Variants in ITIH5 observed in about 807,000 individuals in gnomAD.
ITIH5 encodes the protein inter-alpha-trypsin inhibitor heavy chain 5, also known as inter-alpha-trypsin inhibitor heavy chain H5.
Under a neutral mutation model 77.5 loss-of-function variants are expected in ITIH5, and 65 were observed. The ratio of observed to expected loss-of-function variants is 0.84; its 90% CI spans 0.69 to 1.03. The LOEUF is 1.03. Among genes scored for constraint, ITIH5 ranks in the 50% least tolerant of loss-of-function variants. The probability of loss-of-function intolerance (pLI) is 0.00; values close to 1 mark genes in which losing one functional copy is unlikely to be tolerated. For missense variants in ITIH5, 1,208 were observed against 1,213.1 expected (o/e 1.00, Z 0.06); for synonymous variants, 525 against 494.3 (o/e 1.06, Z -0.82).
chr10:7,591,517 C>T (rs370030574), intron 7 of ITIH5, among the ~76,000 whole-genome samples: 42 of 152,298 alleles, frequency 2.8e-4, no homozygotes, highest in African/African-American at 9.1e-4. Context: ...CTGGCTGACA[C>T]GTACCCCAGC....
chr10:7,599,809 G>T (rs777057707), intron 7 of ITIH5, among the ~76,000 whole-genome samples: 2 of 152,190 alleles, frequency 1.3e-5, no homozygotes, highest in Non-Finnish European at 2.9e-5. Flanking sequence ...GTATATACAA[G>T]AAAATATGTA....
intron 7 of ITIH5, among the ~76,000 whole-genome samples, chr10:7,586,340 T>C (rs563985398): frequency 6.6e-6 from 1 of 152,250 alleles, no homozygotes; most frequent in Admixed American, 6.5e-5. Flanking sequence ...ACAATTGCTG[T>C]TCTCTTGACC....
chr10:7,563,264 C>T lies in ITIH5; in HGVS notation c.2648G>A (p.Gly883Asp), dbSNP rs1247931309. The T allele has an allele frequency of 6.2e-7, 1 of 1,614,104 alleles. No homozygotes were observed. The highest frequency in any genetic ancestry group is 2.2e-5 in the East Asian group (1 of 44,890). The part of the protein sequence containing the change: ...EGPEAVLTVK[G>D]HQVPVVWKQR... ...CTTCCAGACCACTGGGACTTGGTGG[C>T]CTTTCACTGTTAGGACGGCCTCAGG... The change falls in exon 14 of 14, where the codon GGC becomes GAC. Residue 883 changes from glycine (G) to aspartate (D), a missense_variant. Gly to Asp is a moderately conservative substitution (Grantham distance 94). Transcript: ENST00000397146.
chr10:7,635,469 G>A (rs1168945473), intron 5 of ITIH5, among the ~76,000 whole-genome samples: 3 of 152,288 alleles, frequency 2.0e-5, no homozygotes, highest in South Asian at 2.1e-4. Flanking sequence ...TAAGAATGGT[G>A]TATTGGATCT....
intron 7 of ITIH5, among the ~76,000 whole-genome samples, chr10:7,612,293 T>A (rs1315307644): frequency 6.6e-6 from 1 of 152,218 alleles, no homozygotes; most frequent in Admixed American, 6.5e-5. Context: ...ATATTAACTA[T>A]GCAAATTTAA....
At chr10:7,610,669 T>C (rs1041065091) in intron 7 of ITIH5, among the ~76,000 whole-genome samples, 4 of 152,224 alleles carry the variant, frequency 2.6e-5, no homozygotes, top group African/African-American at 9.6e-5. Flanking sequence ...TAACATCATA[T>C]ACAAGACTCT....
chr10:7,590,345 G>A (rs1832768955), intron 7 of ITIH5, among the ~76,000 whole-genome samples: 1 of 152,016 alleles, frequency 6.6e-6, no homozygotes, highest in Non-Finnish European at 1.5e-5. Context: ...TACTTCCTTT[G>A]TATTTTTTCT....
intron 5 of ITIH5, among the ~76,000 whole-genome samples, chr10:7,626,699 A>T (rs1038807859): frequency 6.6e-6 from 1 of 152,216 alleles, no homozygotes; most frequent in Non-Finnish European, 1.5e-5. Context: ...TAAACAATGA[A>T]TAATTTCCTA....
At chr10:7,601,308 A>G (rs10905200) in intron 7 of ITIH5, among the ~76,000 whole-genome samples, 147,029 of 152,170 alleles carry the variant, frequency 0.97, 71,170 homozygotes, top group Non-Finnish European at 1. Flanking sequence ...AGAGAGGGCC[A>G]GCCCAGGGGG....
At chr10:7,573,272 G>T in intron 10 of ITIH5, 77 bp from the exon 11 acceptor site, 1 of 1,244,638 alleles carries the variant, frequency 8.0e-7, no homozygotes, top group Non-Finnish European at 1.2e-6. Context: ...GGAGAGAGGA[G>T]ACATGAGCAA....
At chr10:7,607,064 T>A (rs1833140048) in intron 7 of ITIH5, among the ~76,000 whole-genome samples, 1 of 152,192 alleles carries the variant, frequency 6.6e-6, no homozygotes, top group African/African-American at 2.4e-5. Context: ...TTTGCAATGT[T>A]TTCCTGAAAC....
intron 7 of ITIH5, among the ~76,000 whole-genome samples, chr10:7,612,225 T>C (rs1833260924): frequency 6.6e-6 from 1 of 152,088 alleles, no homozygotes; most frequent in Admixed American, 6.6e-5. Flanking sequence ...CTCTAATGGG[T>C]GGTAGGGTGA....
intron 2 of ITIH5, among the ~76,000 whole-genome samples, chr10:7,653,271 A>G (rs1046798244): frequency 1.3e-5 from 2 of 152,176 alleles, no homozygotes; most frequent in Non-Finnish European, 2.9e-5. Context: ...CAGTGGTGCA[A>G]TCTCAGCTCA....
chr10:7,587,826 G>A (rs11255212), intron 7 of ITIH5, among the ~76,000 whole-genome samples: 1,830 of 152,246 alleles, frequency 0.012, 43 homozygotes, highest in African/African-American at 0.041. Flanking sequence ...CTTGAAACAC[G>A]CTGTAGGTCT....
chr10:7,638,201 C>G (rs1434534231), intron 4 of ITIH5, among the ~76,000 whole-genome samples: 1 of 152,186 alleles, frequency 6.6e-6, no homozygotes, highest in Non-Finnish European at 1.5e-5. Flanking sequence ...AGAGAGAGTG[C>G]AGGCTCTGAA....
chr10:7,656,746 CTTTTT>C (rs34745417), intron 1 of ITIH5, among the ~76,000 whole-genome samples: 33 of 112,848 alleles, frequency 2.9e-4, no homozygotes, highest in Non-Finnish European at 4.9e-4. Flanking sequence ...GTCTATTTTT[CTTTTT>C]TTTTTTTTTT....
At chr10:7,646,508 T>C (rs1834012162) in intron 2 of ITIH5, among the ~76,000 whole-genome samples, 2 of 152,366 alleles carry the variant, frequency 1.3e-5, no homozygotes, top group East Asian at 1.9e-4. Context: ...AGCTATCTCA[T>C]GCTGCTTAAC....
intron 2 of ITIH5, among the ~76,000 whole-genome samples, chr10:7,644,275 G>A (rs185534404): frequency 1.1e-3 from 163 of 147,952 alleles, no homozygotes; most frequent in African/African-American, 2.8e-3. Context: ...ATATATGTGC[G>A]TGTGTATATA....
At chr10:7,606,750 A>G (rs1264353787) in intron 7 of ITIH5, among the ~76,000 whole-genome samples, 1 of 152,236 alleles carries the variant, frequency 6.6e-6, no homozygotes, top group Non-Finnish European at 1.5e-5. Context: ...TTTAAAGGAA[A>G]AATAAATAAA....
Sources: gnomAD v4.1 joint callset for allele counts (sites outside exome capture counted in the v4.1 genomes callset) on GRCh38, gnomAD v4.1.1 for gene constraint, MANE v1.5 for transcripts, NCBI Gene and HGNC (gene_info 2026-07-23, HGNC 2026-07-21) for gene names.